SRL: variants seen among roughly 807,000 people sequenced by gnomAD.
SRL encodes the protein sarcalumenin.
SRL carries 23 observed loss-of-function variants against 39.5 expected under a neutral mutation model. The ratio of observed to expected loss-of-function variants is 0.58; its 90% CI spans 0.42 to 0.82. SRL has a LOEUF of 0.82. Ranked by LOEUF, SRL falls within the 40% of genes least tolerant of loss-of-function variation. SRL has a pLI of 0.00. For synonymous variants in SRL, 272 were observed against 237.4 expected (o/e 1.15, Z -1.34); for missense variants, 592 against 607.8 (o/e 0.97, Z 0.27).
intron 1 of SRL, among the ~76,000 whole-genome samples, chr16:4,230,799 G>A (rs2052652904): frequency 6.6e-6 from 1 of 152,154 alleles, no homozygotes; most frequent in African/African-American, 2.4e-5. Context: ...CTTAGGTGAT[G>A]AGGAGAGGAC....
Position 4,223,584 on chromosome 16 carries a change from C to T in SRL, c.61+18423G>A, listed in dbSNP as rs188597549. On this transcript the variant is annotated intron_variant, in intron 1 of 5. Coordinates refer to ENST00000399609, the MANE Select transcript of SRL (RefSeq NM_001098814.2). ...TTTTTTTTGTAGAGACAGGGTCTTA[C>T]TCTGTTATCCAGGCTGGTGTCAAAC... Among the ~76,000 whole-genome samples the T allele has an allele frequency of 8.6e-4, 130 of 151,028 alleles. 1 individual carries two copies. Among genetic ancestry groups the T allele is most frequent in the African/African-American group, 3.0e-3 (125 of 41,018 alleles).
At chr16:4,228,344 G>GA (rs2052615329) in intron 1 of SRL, among the ~76,000 whole-genome samples, 1 of 152,232 alleles carries the variant, frequency 6.6e-6, no homozygotes, top group Admixed American at 6.5e-5. Flanking sequence ...GGCTGAGGCA[G>GA]AGAACTGCTT....
intron 1 of SRL, among the ~76,000 whole-genome samples, chr16:4,222,669 C>T (rs1329614608): frequency 2.6e-5 from 4 of 152,308 alleles, no homozygotes; most frequent in Middle Eastern, 3.4e-3. Flanking sequence ...CTGCAGATAT[C>T]CCCTCACCAT....
intron 4 of SRL, 104 bp from the exon 5 acceptor site, chr16:4,195,890 A>G (rs1015912428): frequency 3.3e-6 from 3 of 918,906 alleles, no homozygotes; most frequent in Admixed American, 2.5e-5. Context: ...CTTTTGCAAC[A>G]GAATTGGATA....
At chr16:4,220,309 A>ACACACACACACACACAC (rs1567185106) in intron 1 of SRL, among the ~76,000 whole-genome samples, 15 of 151,122 alleles carry the variant, frequency 9.9e-5, no homozygotes, top group African/African-American at 2.2e-4. Context: ...ACACACACAC[A>ACACACACACACACACAC]AATAACCGGG....
intron 1 of SRL, among the ~76,000 whole-genome samples, chr16:4,210,682 C>G (rs2052382734): frequency 6.6e-6 from 1 of 152,026 alleles, no homozygotes; most frequent in South Asian, 2.1e-4. Context: ...AGGGTTTCAC[C>G]ATGTTGGCTA....
intron 1 of SRL, among the ~76,000 whole-genome samples, chr16:4,213,086 T>C (rs1375035770): frequency 6.6e-6 from 1 of 152,072 alleles, no homozygotes; most frequent in African/African-American, 2.4e-5. Flanking sequence ...TGAACCTTAG[T>C]CTGGAGTTCT....
intron 4 of SRL, 55 bp downstream of exon 4, chr16:4,197,744 G>T: frequency 1.6e-6 from 2 of 1,274,646 alleles, no homozygotes; most frequent in Non-Finnish European, 2.3e-6. Flanking sequence ...AAATTTTCAT[G>T]GTGCTTTTAC....
At chr16:4,222,311 G>C (rs1010605902) in intron 1 of SRL, among the ~76,000 whole-genome samples, 2 of 152,150 alleles carry the variant, frequency 1.3e-5, no homozygotes, top group Non-Finnish European at 2.9e-5. Context: ...TCTCACTCTT[G>C]TAACCCAGGA....
chr16:4,222,097 A>G (rs183083161), intron 1 of SRL, among the ~76,000 whole-genome samples: 45 of 152,198 alleles, frequency 3.0e-4, no homozygotes, highest in Admixed American at 1.4e-3. Context: ...AGGTCCCCCA[A>G]TAGCCCACAC....
rs1259249384 is a variant in SRL, at chr16:4,227,192, G to A, written c.61+14815C>T. Among the ~76,000 whole-genome samples, 6 of 151,336 alleles carry A rather than the reference G, an allele frequency of 4.0e-5. No individual in the cohort carries two copies. In the East Asian group the frequency reaches 7.9e-4, roughly 20 times the overall value. On this transcript the variant is annotated intron_variant, in intron 1 of 5. Transcript: ENST00000399609. ...AGGGTGGATAGATGAATGGACAGAC[G>A]GACAGATAGATGGGTGGATGGGTGG... is the stretch of plus-strand genomic sequence containing the variant.
chr16:4,231,253 T>C (rs1480004379), intron 1 of SRL, among the ~76,000 whole-genome samples: 1 of 152,060 alleles, frequency 6.6e-6, no homozygotes, highest in Non-Finnish European at 1.5e-5. Flanking sequence ...GAGGCAGAGA[T>C]TGCAGTGAGC....
At chr16:4,203,754 C>T (rs181250845) in intron 2 of SRL, among the ~76,000 whole-genome samples, 23 of 152,124 alleles carry the variant, frequency 1.5e-4, no homozygotes, top group South Asian at 6.2e-4. Flanking sequence ...AACCTTGTCT[C>T]GGCCTGCTGC....
chr16:4,229,689 T>G (rs1471044909), intron 1 of SRL, among the ~76,000 whole-genome samples: 1 of 151,974 alleles, frequency 6.6e-6, no homozygotes, highest in African/African-American at 2.4e-5. Context: ...CTATGTTCAC[T>G]ATCTGGCTGA....
In SRL at chr16:4,192,048, A is replaced by G; in HGVS notation, c.*105T>C. ...ATGAACTCCCAACTCTCCACTGTGT[A>G]ATAATTCCTGCCAGTGTGGCTCAAA... On this transcript the variant is annotated 3_prime_UTR_variant, in exon 6 of 6. Coordinates refer to ENST00000399609, the MANE Select transcript of SRL (RefSeq NM_001098814.2). The surrounding 1 kb of genome is among the most constrained non-coding windows in gnomAD (Gnocchi z 4.0). 1.2e-5 allele frequency: 15 copies of G among 1,275,184 alleles called. No homozygotes were observed. The highest frequency in any genetic ancestry group is 2.3e-5 in the East Asian group (1 of 42,962). The allele number at this position is 1,275,184 out of a possible 1,614,324, so 79.0% of individuals were successfully genotyped here.
At chr16:4,199,372 T>A (rs1182376972) in intron 3 of SRL, among the ~76,000 whole-genome samples, 1 of 120,962 alleles carries the variant, frequency 8.3e-6, no homozygotes, top group Non-Finnish European at 1.7e-5. Context: ...ATCTTTTTTT[T>A]TTTTTTTTTT....
chr16:4,228,545 C>T (rs903901807), intron 1 of SRL, among the ~76,000 whole-genome samples: 12 of 151,888 alleles, frequency 7.9e-5, no homozygotes, highest in Non-Finnish European at 1.6e-4. Context: ...ACCATCCTGG[C>T]TAACACGGTG....
intron 1 of SRL, among the ~76,000 whole-genome samples, chr16:4,233,164 T>G (rs1252864263): frequency 6.6e-6 from 1 of 152,220 alleles, no homozygotes; most frequent in Non-Finnish European, 1.5e-5. Context: ...TTCAAGGTTC[T>G]TCCCAACTGG....
chr16:4,209,825 C>G (rs909421110), intron 1 of SRL, among the ~76,000 whole-genome samples: 5 of 152,178 alleles, frequency 3.3e-5, no homozygotes, highest in African/African-American at 1.2e-4. Flanking sequence ...AAGTGAAAGT[C>G]CAGAGATCTT....
Sources: gnomAD v4.1 joint callset for allele counts (sites outside exome capture counted in the v4.1 genomes callset) on GRCh38, gnomAD v4.1.1 for gene constraint, Gnocchi (gnomAD v3.1) non-coding constraint, MANE v1.5 for transcripts, NCBI Gene and HGNC (gene_info 2026-07-23, HGNC 2026-07-21) for gene names.